The following TBXAS1 variants were observed in gnomAD, a reference collection of about 807,000 sequenced individuals.
TBXAS1 encodes thromboxane A synthase 1, also known as thromboxane-A synthase.
In TBXAS1, 48 loss-of-function variants were observed where a neutral mutation model predicts 60.7. That is an observed-to-expected ratio of 0.79 (90% CI 0.63 to 1.01). The LOEUF (loss-of-function observed/expected upper bound fraction) is 1.01, where lower values mean the gene tolerates loss of function less well. TBXAS1 is among the 50% of genes least tolerant of loss of function. TBXAS1 has a pLI of 0.00. For synonymous variants in TBXAS1, 287 were observed against 269.7 expected (o/e 1.06, Z -0.63); for missense variants, 685 against 686.3 (o/e 1.00, Z 0.02).
Position 139,936,196 on chromosome 7 carries a change from G to A in TBXAS1, c.339G>A (p.Ser113=), listed in dbSNP as rs765253923. 2.2e-5 allele frequency: 35 copies of A among 1,614,152 alleles called. No homozygotes were observed. The highest frequency in any genetic ancestry group is 4.5e-5 in the East Asian group (2 of 44,890). The change falls in exon 5 of 13, where the codon TCG becomes TCA. Residue 113 remains serine (S), a synonymous_variant. Transcript: ENST00000448866. The stretch of plus-strand genomic sequence containing the variant: ...TGCTTGTTACTTCCCAACAGGCGTC[G>A]GGTTTGGAGTTCAAGTCGGTAGCCG... ...NFSNFTNRMA[S]GLEFKSVADS...
At chr7:139,780,695 C>G (rs917545591) in intron 1 of TBXAS1, 5 of 154,228 alleles carry the variant, frequency 3.2e-5, no homozygotes, top group Non-Finnish European at 5.9e-5. Flanking sequence ...ATTCTAACTC[C>G]TCCCTCTGAC....
chr7:139,992,113 G>C (rs537462731), intron 9 of TBXAS1, among the ~76,000 whole-genome samples: 1 of 152,228 alleles, frequency 6.6e-6, no homozygotes, highest in East Asian at 1.9e-4. Context: ...TGATCTGCCA[G>C]TTCTCCCTTG....
At chr7:139,805,116 G>A (rs1797815946) in intron 4 of TBXAS1, among the ~76,000 whole-genome samples, 3 of 152,218 alleles carry the variant, frequency 2.0e-5, no homozygotes, top group Admixed American at 2.0e-4. Flanking sequence ...GTGGTGCTGG[G>A]GGTGTCCTAA....
chr7:139,824,298 G>C (rs1183878148), upstream of TBXAS1, among the ~76,000 whole-genome samples: 1 of 152,180 alleles, frequency 6.6e-6, no homozygotes, highest in African/African-American at 2.4e-5. Context: ...GCACCTCCCC[G>C]CATGGCTCGA....
intron 2 of TBXAS1, among the ~76,000 whole-genome samples, chr7:139,781,987 T>C (rs1334963986): frequency 6.6e-6 from 1 of 151,550 alleles, no homozygotes; most frequent in African/African-American, 2.4e-5. Context: ...TGGGTGGAGA[T>C]AGTAGAAGGA....
chr7:139,863,793 A>G (rs556829267), intron 1 of TBXAS1, among the ~76,000 whole-genome samples: 11 of 152,318 alleles, frequency 7.2e-5, no homozygotes, highest in South Asian at 6.2e-4. Context: ...ATGAACTAGA[A>G]AACAACAAAA....
chr7:139,825,489 G>A (rs1205023333), upstream of TBXAS1, among the ~76,000 whole-genome samples: 1 of 152,160 alleles, frequency 6.6e-6, no homozygotes, highest in African/African-American at 2.4e-5. Context: ...GAATATTAGA[G>A]GAATGAGCCA....
intron 8 of TBXAS1, 21 bp downstream of exon 8, chr7:139,957,785 A>G (rs756570401): frequency 6.2e-7 from 1 of 1,613,908 alleles, no homozygotes; most frequent in Non-Finnish European, 8.5e-7. Context: ...TTAATAGGAC[A>G]CAGCCTTGAA....
intron 1 of TBXAS1, 33 bp from the exon 2 acceptor site, chr7:139,872,202 T>G: frequency 6.3e-7 from 1 of 1,593,090 alleles, no homozygotes; most frequent in Non-Finnish European, 8.6e-7. Flanking sequence ...GCAACTTCAT[T>G]TCTCAGCTTT....
chr7:139,786,866 T>G (rs905099148), intron 3 of TBXAS1, among the ~76,000 whole-genome samples: 4 of 152,182 alleles, frequency 2.6e-5, no homozygotes, highest in Admixed American at 1.3e-4. Context: ...TTCCCTCTTT[T>G]CAGCCATATC....
At chr7:140,006,176 T>G (rs1389079722) in intron 9 of TBXAS1, among the ~76,000 whole-genome samples, 1 of 152,220 alleles carries the variant, frequency 6.6e-6, no homozygotes, top group Non-Finnish European at 1.5e-5. Context: ...TAGCATTATC[T>G]AGGTGAAGAA....
At chr7:139,874,814 G>A (rs1802099583) in intron 2 of TBXAS1, among the ~76,000 whole-genome samples, 1 of 152,088 alleles carries the variant, frequency 6.6e-6, no homozygotes, top group African/African-American at 2.4e-5. Flanking sequence ...AATGTGTCTA[G>A]CCAGGCACAG....
intron 1 of TBXAS1, among the ~76,000 whole-genome samples, chr7:139,853,291 C>T (rs12532529): frequency 0.21 from 31,843 of 152,056 alleles, 4,499 homozygotes; most frequent in African/African-American, 0.4. Context: ...TCGCATCCCC[C>T]GTCTTACAGA....
chr7:139,835,065 CTTT>C (rs142060008), intron 1 of TBXAS1, among the ~76,000 whole-genome samples: 7 of 132,056 alleles, frequency 5.3e-5, no homozygotes, highest in African/African-American at 1.7e-4. Context: ...TACTAAAATT[CTTT>C]TTTTTTTTTT....
intron 1 of TBXAS1, among the ~76,000 whole-genome samples, chr7:139,850,393 T>C (rs1303830045): frequency 6.6e-6 from 1 of 152,132 alleles, no homozygotes; most frequent in Non-Finnish European, 1.5e-5. Flanking sequence ...AAAAAGAAGT[T>C]TTTGAATTAG....
At chr7:139,925,068 A>G (rs796553516) in intron 4 of TBXAS1, among the ~76,000 whole-genome samples, 39 of 152,338 alleles carry the variant, frequency 2.6e-4, no homozygotes, top group African/African-American at 9.1e-4. Context: ...GCTCTGTCAT[A>G]TAATTAGAAG....
chr7:140,000,865 G>A (rs778865668), intron 9 of TBXAS1, among the ~76,000 whole-genome samples: 1 of 152,172 alleles, frequency 6.6e-6, no homozygotes, highest in Admixed American at 6.5e-5. Context: ...AAGCTTTCCC[G>A]CCACTGAATG....
chr7:139,857,137 A>T (rs974397967), intron 1 of TBXAS1, among the ~76,000 whole-genome samples: 1 of 152,166 alleles, frequency 6.6e-6, no homozygotes, highest in African/African-American at 2.4e-5. Flanking sequence ...AAGTTCTAGA[A>T]GCAAACATCC....
chr7:139,857,864 G>A (rs1000640209), intron 1 of TBXAS1, among the ~76,000 whole-genome samples: 25 of 151,804 alleles, frequency 1.6e-4, no homozygotes, highest in Non-Finnish European at 8.8e-5. Context: ...CCAAGTAGGT[G>A]GGTCTACAGG....
Sources: allele counts gnomAD v4.1 joint callset (sites outside exome capture counted in the v4.1 genomes callset), GRCh38; gene constraint gnomAD v4.1.1; transcripts MANE v1.5; gene names NCBI Gene and HGNC (gene_info 2026-07-23, HGNC 2026-07-21).